The following SLC44A5 variants were observed in gnomAD, a reference collection of about 807,000 sequenced individuals.
SLC44A5 encodes the protein choline transporter-like protein 5.
In SLC44A5, 57 loss-of-function variants were observed where a neutral mutation model predicts 101.8. The observed-to-expected ratio is 0.56, with a 90% CI of 0.45 to 0.70. The LOEUF is 0.70. SLC44A5 is among the 30% of genes least tolerant of loss of function. SLC44A5 has a pLI of 0.00. For synonymous variants in SLC44A5, 281 were observed against 290.9 expected (o/e 0.97, Z 0.35); for missense variants, 737 against 853.1 (o/e 0.86, Z 1.70).
At chr1:75,330,132 CACACACACAT>C (rs1656916898) in intron 4 of SLC44A5, among the ~76,000 whole-genome samples, 1 of 103,052 alleles carries the variant, frequency 9.7e-6, no homozygotes, top group South Asian at 3.2e-4. Context: ...CACACACACA[CACACACACAT>C]GCATATACGT....
the SLC44A5 span, among the ~76,000 whole-genome samples, chr1:75,624,531 T>C: frequency 1.3e-5 from 2 of 152,108 alleles, no homozygotes; most frequent in African/African-American, 4.8e-5. Context: ...CTGTACCCTC[T>C]TCTCTCCCAA....
At chr1:75,342,563 G>A (rs968163001) in intron 3 of SLC44A5, among the ~76,000 whole-genome samples, 1 of 152,108 alleles carries the variant, frequency 6.6e-6, no homozygotes, top group Non-Finnish European at 1.5e-5. Flanking sequence ...AGCCTGTGTT[G>A]AACCATTTAG....
chr1:75,562,905 A>G (rs1672600476), intron 1 of SLC44A5, among the ~76,000 whole-genome samples: 1 of 152,070 alleles, frequency 6.6e-6, no homozygotes, highest in Non-Finnish European at 1.5e-5. Context: ...CTCAAGAAAC[A>G]GTTCAAGGAA....
the SLC44A5 span, among the ~76,000 whole-genome samples, chr1:75,670,516 GT>G: frequency 6.6e-6 from 1 of 152,028 alleles, no homozygotes; most frequent in African/African-American, 2.4e-5. Flanking sequence ...AAGTTATTTT[GT>G]TTTTATATTT....
At chr1:75,636,455 A>T in the SLC44A5 span, among the ~76,000 whole-genome samples, 1 of 152,084 alleles carries the variant, frequency 6.6e-6, no homozygotes, top group Non-Finnish European at 1.5e-5. Flanking sequence ...CATTTGCTAG[A>T]TATAGGGATT....
At chr1:75,701,904 A>G in the SLC44A5 span, among the ~76,000 whole-genome samples, 7 of 152,202 alleles carry the variant, frequency 4.6e-5, no homozygotes, top group African/African-American at 1.7e-4. Context: ...ACTCCCATTC[A>G]CAATTGCTTC....
chr1:75,617,041 T>A, the SLC44A5 span, among the ~76,000 whole-genome samples: 1 of 152,182 alleles, frequency 6.6e-6, no homozygotes, highest in Admixed American at 6.5e-5. Context: ...TCTGCTGGCG[T>A]CCCAGAACTG....
In SLC44A5 at chr1:75,203,274, T is replaced by C. The variant is rs1279770788; in HGVS notation, c.*453A>G. The C allele has an allele frequency of 6.6e-6, 1 of 152,364 alleles. No homozygotes were observed. The highest frequency in any genetic ancestry group is 1.5e-5 in the Non-Finnish European group (1 of 68,172). 9.4% of individuals were successfully genotyped at this position (152,364 alleles called of 1,614,324 possible). A position where few individuals can be genotyped will look rare whatever the true frequency, so the allele number is the denominator to read the frequency against. On this transcript the variant is annotated 3_prime_UTR_variant, in exon 24 of 24. Transcript: ENST00000370859. ...TCAACTGGGGCAGTCCTTTCACTGA[T>C]TTACTGTCCAACGAGAGTGGGAAAA...
the SLC44A5 span, among the ~76,000 whole-genome samples, chr1:75,712,701 A>AC: frequency 7.7e-6 from 1 of 130,308 alleles, no homozygotes; most frequent in Admixed American, 8.2e-5. Context: ...ATTTGAGAAA[A>AC]AAAAAAAAAA....
At chr1:75,402,388 G>T (rs1047658772) in intron 2 of SLC44A5, 1 of 375,918 alleles carries the variant, frequency 2.7e-6, no homozygotes, top group Admixed American at 2.8e-5. Flanking sequence ...ACTACAAGAG[G>T]TGGCTGGCAA....
chr1:75,691,212 C>G, the SLC44A5 span, among the ~76,000 whole-genome samples: 1 of 152,160 alleles, frequency 6.6e-6, no homozygotes, highest in Admixed American at 6.5e-5. Flanking sequence ...ATTTGGGAAC[C>G]TCCCCTAGCC....
At chr1:75,444,490 G>GAAAGAAAGAAAGAAAGA (rs2101637538) in intron 2 of SLC44A5, among the ~76,000 whole-genome samples, 1 of 147,316 alleles carries the variant, frequency 6.8e-6, no homozygotes, top group African/African-American at 2.5e-5. Context: ...AAAGAAGAAA[G>GAAAGAAAGAAAGAAAGA]AAAGAAAGAA....
intron 4 of SLC44A5, among the ~76,000 whole-genome samples, chr1:75,303,976 TAGA>T (rs1354884302): frequency 2.6e-5 from 4 of 152,134 alleles, no homozygotes; most frequent in African/African-American, 7.2e-5. Flanking sequence ...TATATCTCAG[TAGA>T]AGATCTAATT....
intron 1 of SLC44A5, among the ~76,000 whole-genome samples, chr1:75,569,671 C>T (rs211759): frequency 0.68 from 102,956 of 152,048 alleles, 35,559 homozygotes; most frequent in East Asian, 0.84. Context: ...ACCTGGCTAA[C>T]GGTAAATGCT....
At chr1:75,241,000 A>G (rs1036038704) in intron 9 of SLC44A5, among the ~76,000 whole-genome samples, 3 of 152,036 alleles carry the variant, frequency 2.0e-5, no homozygotes, top group African/African-American at 7.2e-5. Flanking sequence ...ACATTATAAC[A>G]TATACATGCA....
the SLC44A5 span, among the ~76,000 whole-genome samples, chr1:75,672,286 C>T: frequency 1.3e-5 from 2 of 152,090 alleles, no homozygotes; most frequent in Admixed American, 6.6e-5. Flanking sequence ...AATCTGTGTA[C>T]TTTGGGGAGG....
intron 3 of SLC44A5, among the ~76,000 whole-genome samples, chr1:75,342,721 C>T (rs988160295): frequency 2.0e-5 from 3 of 152,308 alleles, no homozygotes; most frequent in Middle Eastern, 3.4e-3. Flanking sequence ...AGTATTTAGG[C>T]TGGCTTCCAA....
intron 2 of SLC44A5, among the ~76,000 whole-genome samples, chr1:75,536,996 A>C (rs1238009706): frequency 1.1e-5 from 1 of 88,310 alleles, no homozygotes; most frequent in South Asian, 4.9e-4. Context: ...ACAGAGCGAG[A>C]CTCCATCTCA....
At chr1:75,284,365 CTTTA>C (rs1308769616) in intron 5 of SLC44A5, among the ~76,000 whole-genome samples, 2 of 151,590 alleles carry the variant, frequency 1.3e-5, no homozygotes, top group African/African-American at 4.8e-5. Context: ...CTGAAACTTT[CTTTA>C]TTTATACTGA....
Sources: gnomAD v4.1 joint callset for allele counts (sites outside exome capture counted in the v4.1 genomes callset) on GRCh38, gnomAD v4.1.1 for gene constraint, MANE v1.5 for transcripts, NCBI Gene and HGNC (gene_info 2026-07-23, HGNC 2026-07-21) for gene names.